Variants in CPNE2 observed in about 807,000 individuals in gnomAD.
The protein encoded by CPNE2 is copine-2.
A neutral mutation model predicts 69.7 loss-of-function variants in CPNE2; 42 were observed. The ratio of observed to expected loss-of-function variants is 0.60; its 90% CI spans 0.47 to 0.78. The LOEUF is 0.78. Among genes scored for constraint, CPNE2 ranks in the 30% least tolerant of loss-of-function variants. CPNE2 has a pLI of 0.00. For missense variants in CPNE2, 587 were observed against 732.0 expected (o/e 0.80, Z 2.29); for synonymous variants, 294 against 289.8 (o/e 1.01, Z -0.15).
chr16:57,145,387 GTGACTTGA>G (rs2145288309), intron 14 of CPNE2, among the ~76,000 whole-genome samples: 1 of 152,336 alleles, frequency 6.6e-6, no homozygotes, highest in Non-Finnish European at 1.5e-5. Context: ...CTCTTCCGGG[GTGACTTGA>G]TGACTTGATG....
intron 14 of CPNE2, among the ~76,000 whole-genome samples, chr16:57,138,656 T>C (rs918907555): frequency 4.0e-5 from 6 of 149,138 alleles, no homozygotes; most frequent in Admixed American, 1.3e-4. Context: ...CTGACCACTA[T>C]ATGAAGCAGA....
chr16:57,116,236 T>A (rs1199857055), intron 4 of CPNE2, among the ~76,000 whole-genome samples: 5 of 152,154 alleles, frequency 3.3e-5, no homozygotes, highest in African/African-American at 1.2e-4. Flanking sequence ...GCCTTGGTGT[T>A]TTTTTAATCT....
At chr16:57,141,000 A>G (rs1455539480) in intron 14 of CPNE2, 1 of 150,824 alleles carries the variant, frequency 6.6e-6, no homozygotes, top group African/African-American at 2.4e-5. Context: ...TGTCCCACCC[A>G]GTCTTGTCCA....
chr16:57,138,578 T>TC (rs1171539211), intron 14 of CPNE2, among the ~76,000 whole-genome samples: 1 of 152,008 alleles, frequency 6.6e-6, no homozygotes, highest in Admixed American at 6.6e-5. Flanking sequence ...TCCTAGCTGT[T>TC]CCCCCGCAGG....
intron 14 of CPNE2, among the ~76,000 whole-genome samples, chr16:57,139,976 G>A (rs2069909693): frequency 1.3e-5 from 2 of 152,150 alleles, no homozygotes; most frequent in African/African-American, 4.8e-5. Flanking sequence ...GAGGGACGGA[G>A]AAGGACAGGC....
intron 1 of CPNE2, chr16:57,094,112 A>G: frequency 2.2e-6 from 1 of 456,490 alleles, no homozygotes; most frequent in South Asian, 1.5e-5. Flanking sequence ...GGACCGCCCC[A>G]GCCAGCTGGA....
chr16:57,136,814 C>T (rs190214685), intron 13 of CPNE2, among the ~76,000 whole-genome samples: 1 of 152,046 alleles, frequency 6.6e-6, no homozygotes, highest in Non-Finnish European at 1.5e-5. Context: ...CTCGGGAGGC[C>T]GAGGCAGGAG....
chr16:57,116,804 C>CAGAT (rs2069722361), intron 4 of CPNE2, among the ~76,000 whole-genome samples: 1 of 152,154 alleles, frequency 6.6e-6, no homozygotes, highest in Non-Finnish European at 1.5e-5. Context: ...TCCAGAGGGC[C>CAGAT]AGATGCCTTG....
At chr16:57,129,292 G>C (rs1597501630) in intron 12 of CPNE2, 1 of 152,704 alleles carries the variant, frequency 6.5e-6, no homozygotes, top group East Asian at 1.9e-4. Flanking sequence ...CTGCTGAGTG[G>C]GGCGTGGCTA....
chr16:57,117,605 T>C (rs2069729313), intron 5 of CPNE2, 38 bp downstream of exon 5: 2 of 1,605,342 alleles, frequency 1.2e-6, no homozygotes, highest in South Asian at 2.2e-5. Flanking sequence ...TTGGGAACAG[T>C]AGCCCCCACC....
At chr16:57,100,419 A>C (rs750453716) in intron 1 of CPNE2, among the ~76,000 whole-genome samples, 14 of 152,242 alleles carry the variant, frequency 9.2e-5, no homozygotes, top group Non-Finnish European at 1.8e-4. Flanking sequence ...TGTCCTGAGA[A>C]CAGCCGAAAG....
intron 1 of CPNE2, among the ~76,000 whole-genome samples, chr16:57,109,670 G>C (rs2069668477): frequency 6.6e-6 from 1 of 152,150 alleles, no homozygotes; most frequent in African/African-American, 2.4e-5. Flanking sequence ...TTTGTAAACT[G>C]TCATGGCCCT....
At chr16:57,104,449 G>C (rs1015920727) in intron 1 of CPNE2, among the ~76,000 whole-genome samples, 3 of 152,164 alleles carry the variant, frequency 2.0e-5, no homozygotes, top group Non-Finnish European at 4.4e-5. Context: ...TCCCTCTCCT[G>C]CTGGCCTCTC....
chr16:57,093,810 C>G lies in CPNE2; in HGVS notation c.-36+1020C>G, dbSNP rs377609529. 68 of 326,074 alleles carry G rather than the reference C, an allele frequency of 2.1e-4. 1 individual carries two copies. Among genetic ancestry groups the G allele is most frequent in the African/African-American group, 1.2e-3 (54 of 44,886 alleles). The allele number at this position is 326,074 out of a possible 1,614,324, so 20.2% of individuals were successfully genotyped here. On this transcript the variant is annotated intron_variant, in intron 1 of 15. Transcript: ENST00000290776. Reference sequence around the variant, plus strand: ...GGGGCTTTTTCTGCCCCTTGGGCATCCACAGCTTCACGGACTGCAGGGAGC... The same window carrying G: ...GGGGCTTTTTCTGCCCCTTGGGCATGCACAGCTTCACGGACTGCAGGGAGC...
At chr16:57,093,207 T>C (rs1472998881) in intron 1 of CPNE2, among the ~76,000 whole-genome samples, 2 of 152,052 alleles carry the variant, frequency 1.3e-5, no homozygotes, top group East Asian at 3.9e-4. Context: ...CGCTCCCCTC[T>C]GCCCTCCTCC....
intron 2 of CPNE2, among the ~76,000 whole-genome samples, chr16:57,111,305 T>C (rs1360735309): frequency 6.6e-6 from 1 of 151,758 alleles, no homozygotes; most frequent in Non-Finnish European, 1.5e-5. Context: ...GCCTCCCGAT[T>C]AGCTGGGGCT....
At chr16:57,095,394 C>A (rs1415696746) in intron 1 of CPNE2, among the ~76,000 whole-genome samples, 1 of 152,266 alleles carries the variant, frequency 6.6e-6, no homozygotes, top group African/African-American at 2.4e-5. Flanking sequence ...TGGACCTCGG[C>A]TGTCACTCCC....
At chr16:57,125,534 A>T in intron 10 of CPNE2, 1 of 395,492 alleles carries the variant, frequency 2.5e-6, no homozygotes, top group Non-Finnish European at 4.9e-6. Flanking sequence ...AGCGAAGCTT[A>T]TGAATAAATG....
intron 2 of CPNE2, 81 bp from the exon 3 acceptor site, chr16:57,113,207 A>C: frequency 7.6e-7 from 1 of 1,321,822 alleles, no homozygotes; most frequent in East Asian, 2.3e-5. Context: ...TGTACAAGTT[A>C]GCAGAATGAT....
Sources: gnomAD v4.1 joint callset for allele counts (sites outside exome capture counted in the v4.1 genomes callset) on GRCh38, gnomAD v4.1.1 for gene constraint, MANE v1.5 for transcripts, NCBI Gene and HGNC (gene_info 2026-07-23, HGNC 2026-07-21) for gene names.